Variants in BBS1 observed in about 807,000 individuals in gnomAD.
The protein encoded by BBS1 is BBSome complex member BBS1.
In BBS1, 60 loss-of-function variants were observed where a neutral mutation model predicts 73.9. The ratio of observed to expected loss-of-function variants is 0.81; its 90% CI spans 0.66 to 1.01. The LOEUF (loss-of-function observed/expected upper bound fraction) is 1.01. Ranked by LOEUF, BBS1 falls within the 50% of genes least tolerant of loss-of-function variation. The pLI is 0.00. For missense variants in BBS1, 718 were observed against 770.3 expected (o/e 0.93, Z 0.80); for synonymous variants, 283 against 317.4 (o/e 0.89, Z 1.15).
chr11:66,516,238 G>T (rs1452444697), intron 7 of BBS1, among the ~76,000 whole-genome samples: 2 of 147,358 alleles, frequency 1.4e-5, no homozygotes, highest in Non-Finnish European at 3.0e-5. Context: ...CGATTCTCCT[G>T]CCTCAGCCTC....
rs867592415 is a variant in BBS1, at chr11:66,533,542, T to C, written c.*1505T>C. 3.3e-5 allele frequency: 5 copies of C among 152,396 alleles called. No homozygotes were observed. The Middle Eastern group carries it at 0.017, about 518-fold the overall frequency. 9.4% of individuals were successfully genotyped at this position (152,396 alleles called of 1,614,324 possible). On this transcript the variant is annotated 3_prime_UTR_variant, in exon 17 of 17. Coordinates refer to ENST00000318312, the MANE Select transcript of BBS1 (RefSeq NM_024649.5). ...ACTCAGATTACTATTTCTATTACTA[T>C]GTGAAAGTTAACTGCGGAGCCAAGA...
chr11:66,530,625 G>A (rs1856736295), intron 14 of BBS1, among the ~76,000 whole-genome samples: 1 of 152,196 alleles, frequency 6.6e-6, no homozygotes, highest in Admixed American at 6.5e-5. Context: ...AACAGGCAGG[G>A]GGTGGGGGTG....
chr11:66,515,588 T>G lies in BBS1; in HGVS notation c.479+2T>G, dbSNP rs1353098253. The G allele has an allele frequency of 5.0e-6, 8 of 1,613,978 alleles. No homozygotes were observed. Among genetic ancestry groups the G allele is most frequent in the Non-Finnish European group, 6.8e-6 (8 of 1,180,018 alleles). ...GAAGGAGATGCTGGAGAGCATCCGG[T>G]GAGAGGCTGCCTTCCCCTTCATACC... On this transcript the variant is annotated splice_donor_variant, in intron 5 of 16. Coordinates refer to ENST00000318312, the MANE Select transcript of BBS1 (RefSeq NM_024649.5). LOFTEE classifies it high-confidence loss of function.
chr11:66,511,042 C>G lies in BBS1; in HGVS notation c.77C>G (p.Ala26Gly). 6.2e-7 allele frequency: 1 copy of G among 1,614,150 alleles called. No individual in the cohort carries two copies. The highest frequency in any genetic ancestry group is 8.5e-7 in the Non-Finnish European group (1 of 1,180,024). The change falls in exon 2 of 17, where the codon GCG becomes GGG. Residue 26 changes from alanine to glycine, a missense_variant. Physicochemically the swap from Ala to Gly is moderately conservative, Grantham distance 60. Coordinates refer to ENST00000318312, the MANE Select transcript of BBS1 (RefSeq NM_024649.5). The stretch of plus-strand genomic sequence containing the variant: ...GAGGCCAATTCGAAGTGGTTGGATG[C>G]GCACTACGACCCAATGGCCAATATC... ...SNEANSKWLDAHYDPMANIHT... is the reference protein window; with the variant it reads ...SNEANSKWLDGHYDPMANIHT...
At position 66,522,915 on chromosome 11, in the gene BBS1, C is replaced by T. The variant is rs373432727; in HGVS notation, c.831-541C>T. On this transcript the variant is annotated intron_variant, in intron 9 of 16. Transcript: ENST00000318312. ...AGATGGCTTGAAAGTTAAAAAGGAA[C>T]CAGTTGGTGAGAAAGTCGGGAAGAG... 1.2e-3 allele frequency: 421 copies of T among 346,924 alleles called. 4 individuals are homozygous for T. The highest frequency in any genetic ancestry group is 9.2e-3 in the South Asian group (411 of 44,518). The allele number at this position is 346,924 out of a possible 1,614,324, so 21.5% of individuals were successfully genotyped here.
Position 66,532,916 on chromosome 11 carries a change from T to C in BBS1, c.*879T>C, listed in dbSNP as rs963389870. On this transcript the variant is annotated 3_prime_UTR_variant, in exon 17 of 17. Coordinates refer to ENST00000318312, the MANE Select transcript of BBS1 (RefSeq NM_024649.5). ...AGGCAGAAGTCCAGAACTGCCCATATAGATGCCCTTCTACATCCTGGAGCC... is the reference window on the plus strand; with the variant it reads ...AGGCAGAAGTCCAGAACTGCCCATACAGATGCCCTTCTACATCCTGGAGCC... 6.6e-6 allele frequency: 1 copy of C among 152,230 alleles called. No homozygotes were observed. The highest frequency in any genetic ancestry group is 2.1e-4 in the South Asian group (1 of 4,826). 9.4% of individuals were successfully genotyped at this position (152,230 alleles called of 1,614,324 possible). A position where few individuals can be genotyped will look rare whatever the true frequency, so the allele number is the denominator to read the frequency against.
At chr11:66,529,080 A>C in intron 13 of BBS1, 1 of 985,126 alleles carries the variant, frequency 1.0e-6, no homozygotes, top group Non-Finnish European at 1.2e-6. Flanking sequence ...GAGAAAAAGC[A>C]CATAAAATGT....
intron 7 of BBS1, among the ~76,000 whole-genome samples, chr11:66,517,133 A>C (rs1037377993): frequency 5.3e-5 from 8 of 151,340 alleles, no homozygotes; most frequent in African/African-American, 1.9e-4. Flanking sequence ...CGGGAGGCGG[A>C]GCTTGCAGTG....
At chr11:66,522,324 C>T (rs1856277291) in intron 9 of BBS1, among the ~76,000 whole-genome samples, 1 of 151,492 alleles carries the variant, frequency 6.6e-6, no homozygotes, top group Admixed American at 6.6e-5. Flanking sequence ...GTTTAATATT[C>T]CATATAAAAT....
chr11:66,521,499 T>C, intron 9 of BBS1, 123 bp downstream of exon 9: 3 of 792,470 alleles, frequency 3.8e-6, no homozygotes, highest in Non-Finnish European at 6.4e-6. Flanking sequence ...GCTGAGAACT[T>C]CATAAAGGAG....
intron 11 of BBS1, among the ~76,000 whole-genome samples, chr11:66,525,036 T>A (rs1267221366): frequency 6.6e-6 from 1 of 151,850 alleles, no homozygotes; most frequent in Non-Finnish European, 1.5e-5. Flanking sequence ...CCGTCTCTAC[T>A]AAAAATACAA....
rs2134795241 is a variant in BBS1, at chr11:66,523,528, C to T, written c.903C>T (p.Val301=). The T allele has an allele frequency of 6.2e-7, 1 of 1,614,146 alleles. No homozygotes were observed. Among genetic ancestry groups the T allele is most frequent in the Non-Finnish European group, 8.5e-7 (1 of 1,180,008 alleles). ...QPVGLIRVHK[V]LVVGSTQDSL... is the part of the protein sequence containing the mutation. ...TGGGACTTATCCGGGTACACAAGGT[C>T]CTAGTGGTGGGCAGCACCCAAGACA... The change falls in exon 10 of 17, where the codon GTC becomes GTT. Residue 301 remains valine (V), a synonymous_variant. Transcript: ENST00000318312.
At chr11:66,519,324 T>C (rs1856127911) in intron 7 of BBS1, among the ~76,000 whole-genome samples, 1 of 152,112 alleles carries the variant, frequency 6.6e-6, no homozygotes, top group African/African-American at 2.4e-5. Context: ...TGAGCCGAGA[T>C]TGTACCACTG....
At chr11:66,531,545 C>T (rs1426096057) in intron 15 of BBS1, 111 bp from the exon 16 acceptor site, 4 of 1,415,526 alleles carry the variant, frequency 2.8e-6, no homozygotes, top group South Asian at 2.3e-5. Context: ...TTGTCCTGCC[C>T]ACCCTGCAGG....
intron 7 of BBS1, among the ~76,000 whole-genome samples, chr11:66,518,765 T>TC (rs995843616): frequency 3.8e-4 from 57 of 151,052 alleles, no homozygotes; most frequent in Non-Finnish European, 7.4e-5. Context: ...TTCTTTTTTT[T>TC]TTTTTTTTTT....
intron 3 of BBS1, among the ~76,000 whole-genome samples, chr11:66,512,075 T>TAC (rs1210722775): frequency 1.4e-5 from 2 of 142,520 alleles, no homozygotes; most frequent in Non-Finnish European, 1.5e-5. Context: ...TATATATATA[T>TAC]ACATATATTT....
chr11:66,518,043 C>T (rs1310420930), intron 7 of BBS1, among the ~76,000 whole-genome samples: 5 of 151,082 alleles, frequency 3.3e-5, no homozygotes, highest in South Asian at 4.2e-4. Flanking sequence ...TCGCAACCTC[C>T]GCCTCCTGGG....
intron 1 of BBS1, 107 bp from the exon 2 acceptor site, chr11:66,510,906 C>A: frequency 1.4e-6 from 2 of 1,430,098 alleles, no homozygotes; most frequent in South Asian, 1.1e-5. Context: ...GACTTGTACC[C>A]AGACGTTCTG....
rs779251268 is a variant in BBS1 at position 66,531,758 on chromosome 11, G to C, written c.1695+16G>C. On this transcript the variant is annotated intron_variant, in intron 16 of 16. Transcript: ENST00000318312. The stretch of plus-strand genomic sequence containing the variant: ...CATCATCAAGGTAGGCCCCGCACTT[G>C]TACCACGTGGAAGGTGAGCAGGACC... 3 of 1,613,974 alleles carry C rather than the reference G, an allele frequency of 1.9e-6. No individual in the cohort carries two copies. The highest frequency in any genetic ancestry group is 1.7e-6 in the Non-Finnish European group (2 of 1,179,950).
Sources: gnomAD v4.1 joint callset for allele counts (sites outside exome capture counted in the v4.1 genomes callset) on GRCh38, gnomAD v4.1.1 for gene constraint, MANE v1.5 for transcripts, NCBI Gene and HGNC (gene_info 2026-07-23, HGNC 2026-07-21) for gene names.